The following GRID2 variants were observed in gnomAD, a reference collection of about 807,000 sequenced individuals.
The protein encoded by GRID2 is glutamate ionotropic receptor delta type subunit 2.
GRID2 carries 33 observed loss-of-function variants against 114.8 expected under a neutral mutation model. The observed-to-expected ratio is 0.29, with a 90% CI of 0.22 to 0.38. The LOEUF (loss-of-function observed/expected upper bound fraction) is 0.38, where lower values mean the gene tolerates loss of function less well. Among genes scored for constraint, GRID2 ranks in the 10% least tolerant of loss-of-function variants. GRID2 has a pLI of 1.00. For synonymous variants in GRID2, 505 were observed against 449.9 expected, an observed-to-expected ratio of 1.12 and a Z score of -1.55; for missense variants, 1,184 against 1,257.7, an observed-to-expected ratio of 0.94 and a Z score of 0.89.
chr4:92,371,429 G>T (rs943585307), intron 1 of GRID2, among the ~76,000 whole-genome samples: 1 of 152,140 alleles, frequency 6.6e-6, no homozygotes, highest in Non-Finnish European at 1.5e-5. Context: ...ACTTTGAGTG[G>T]AAGTCAATGC....
chr4:92,439,852 A>T (rs1259821166), intron 1 of GRID2, among the ~76,000 whole-genome samples: 3 of 145,772 alleles, frequency 2.1e-5, no homozygotes, highest in African/African-American at 7.3e-5. Context: ...GCACCAGGAG[A>T]TATCAGCTGT....
At chr4:93,218,710 C>G (rs1469600291) in intron 6 of GRID2, among the ~76,000 whole-genome samples, 1 of 152,014 alleles carries the variant, frequency 6.6e-6, no homozygotes, top group Non-Finnish European at 1.5e-5. Context: ...TCAGTTCCAC[C>G]CTTATCTATA....
At chr4:92,852,787 C>A (rs1316023304) in intron 2 of GRID2, among the ~76,000 whole-genome samples, 1 of 151,906 alleles carries the variant, frequency 6.6e-6, no homozygotes. Context: ...CTATTTCACA[C>A]CTCTTTACCT....
At chr4:92,315,380 C>T (rs1197784855) in intron 1 of GRID2, among the ~76,000 whole-genome samples, 2 of 152,070 alleles carry the variant, frequency 1.3e-5, no homozygotes, top group Non-Finnish European at 2.9e-5. Flanking sequence ...ATAGCAATGA[C>T]TCACAAAAAA....
chr4:93,694,298 T>G (rs193281389), intron 14 of GRID2, among the ~76,000 whole-genome samples: 1 of 152,268 alleles, frequency 6.6e-6, no homozygotes, highest in African/African-American at 2.4e-5. Flanking sequence ...ACCTCCTCAC[T>G]GTGTCTTCCG....
chr4:93,667,242 G>A (rs1464825984), intron 14 of GRID2, among the ~76,000 whole-genome samples: 1 of 151,940 alleles, frequency 6.6e-6, no homozygotes, highest in Non-Finnish European at 1.5e-5. Flanking sequence ...GAAACAAAAG[G>A]GAAGGCTTTT....
At chr4:92,599,083 G>C (rs1729084420) in intron 2 of GRID2, among the ~76,000 whole-genome samples, 1 of 135,458 alleles carries the variant, frequency 7.4e-6, no homozygotes, top group Admixed American at 8.3e-5. Flanking sequence ...CCTTGGGCTG[G>C]TTCTGCTAGT....
intron 1 of GRID2, among the ~76,000 whole-genome samples, chr4:92,477,292 T>C (rs2149101235): frequency 6.6e-6 from 1 of 152,252 alleles, no homozygotes; most frequent in East Asian, 1.9e-4. Flanking sequence ...ATGGTTAACC[T>C]TATTTTAGTA....
At chr4:93,307,054 G>T (rs111956600) in intron 8 of GRID2, among the ~76,000 whole-genome samples, 2,627 of 152,004 alleles carry the variant, frequency 0.017, 84 homozygotes, top group African/African-American at 0.06. Context: ...AAATTAGCTG[G>T]GCATGGTGGT....
At chr4:92,855,924 A>T (rs1255087867) in intron 2 of GRID2, among the ~76,000 whole-genome samples, 1 of 152,076 alleles carries the variant, frequency 6.6e-6, no homozygotes, top group Non-Finnish European at 1.5e-5. Context: ...TTAACAGTCT[A>T]CTTGAAGGTT....
chr4:92,659,527 A>G (rs1579787033), intron 2 of GRID2, among the ~76,000 whole-genome samples: 1 of 151,610 alleles, frequency 6.6e-6, no homozygotes, highest in East Asian at 1.9e-4. Context: ...AGATTGTTGC[A>G]TGAAATGATA....
chr4:93,744,562 GAAATC>G (rs1343870193), intron 14 of GRID2, among the ~76,000 whole-genome samples: 1 of 152,306 alleles, frequency 6.6e-6, no homozygotes, highest in Admixed American at 6.5e-5. Flanking sequence ...CTGAATTGCT[GAAATC>G]TCATGATAAA....
intron 2 of GRID2, among the ~76,000 whole-genome samples, chr4:92,616,562 G>C (rs1018354949): frequency 1.3e-5 from 2 of 151,330 alleles, no homozygotes; most frequent in Non-Finnish European, 3.0e-5. Context: ...AATTTCTTTA[G>C]ATTTTTCCCC....
intron 3 of GRID2, among the ~76,000 whole-genome samples, chr4:93,092,133 T>A (rs1730844405): frequency 6.6e-6 from 1 of 152,040 alleles, no homozygotes; most frequent in Non-Finnish European, 1.5e-5. Flanking sequence ...TTGAGGAGAT[T>A]GTTTCAACAC....
chr4:93,777,421 C>T (rs995266242), downstream of GRID2, among the ~76,000 whole-genome samples: 1 of 152,186 alleles, frequency 6.6e-6, no homozygotes, highest in Non-Finnish European at 1.5e-5. Context: ...ATTTAGGACT[C>T]AGTGACATCT....
intron 2 of GRID2, among the ~76,000 whole-genome samples, chr4:93,075,883 CTTTTTTTTTTTTTTTTTTTTTT>C (rs10706922): frequency 1.8e-4 from 14 of 76,604 alleles, no homozygotes; most frequent in East Asian, 1.7e-3. Flanking sequence ...AGTTACCTCT[CTTTTTTTTTTTTTTTTTTTTTT>C]TTTTTTTTTT....
chr4:92,394,899 G>T (rs1344744019), intron 1 of GRID2, among the ~76,000 whole-genome samples: 1 of 151,230 alleles, frequency 6.6e-6, no homozygotes, highest in Non-Finnish European at 1.5e-5. Flanking sequence ...TTTTATATTT[G>T]TGTAATATTA....
At chr4:92,978,980 C>T (rs1754029517) in intron 2 of GRID2, among the ~76,000 whole-genome samples, 1 of 151,762 alleles carries the variant, frequency 6.6e-6, no homozygotes, top group South Asian at 2.1e-4. Flanking sequence ...ATGATTGCAC[C>T]CCTGCACTCC....
intron 1 of GRID2, among the ~76,000 whole-genome samples, chr4:92,348,393 G>T (rs1727889271): frequency 6.6e-6 from 1 of 152,134 alleles, no homozygotes. Flanking sequence ...TGACAGGGAT[G>T]TAGAATTAGT....
Sources: gnomAD v4.1 joint callset for allele counts (sites outside exome capture counted in the v4.1 genomes callset) on GRCh38, gnomAD v4.1.1 for gene constraint, MANE v1.5 for transcripts, NCBI Gene and HGNC (gene_info 2026-07-23, HGNC 2026-07-21) for gene names.